The following ASH1L variants were observed in gnomAD, a reference collection of about 807,000 sequenced individuals.
The protein encoded by ASH1L is histone-lysine N-methyltransferase ASH1L.
A neutral mutation model predicts 269.0 loss-of-function variants in ASH1L; 23 were observed. The ratio of observed to expected loss-of-function variants is 0.09; its 90% CI spans 0.06 to 0.12. ASH1L has a LOEUF of 0.12. Ranked by LOEUF, ASH1L falls within the 10% of genes least tolerant of loss-of-function variation. The pLI is 1.00. For synonymous variants in ASH1L, 1,187 were observed against 1,253.5 expected (o/e 0.95, Z 1.12); for missense variants, 2,912 against 3,567.8 (o/e 0.82, Z 4.68).
At chr1:155,436,688 G>C (rs756887028) in intron 5 of ASH1L, among the ~76,000 whole-genome samples, 1 of 150,992 alleles carries the variant, frequency 6.6e-6, no homozygotes, top group Non-Finnish European at 1.5e-5. Flanking sequence ...GTAGAGACGG[G>C]GTTTCACTAT....
intron 3 of ASH1L, among the ~76,000 whole-genome samples, chr1:155,464,728 C>A (rs930516659): frequency 5.9e-5 from 9 of 151,970 alleles, no homozygotes; most frequent in Non-Finnish European, 1.2e-4. Context: ...TGTGAAGGAA[C>A]CTTGGAAGTG....
intron 17 of ASH1L, among the ~76,000 whole-genome samples, chr1:155,350,622 T>C (rs974879851): frequency 1.3e-5 from 2 of 152,096 alleles, no homozygotes; most frequent in African/African-American, 2.4e-5. Context: ...CCTTAATTAA[T>C]AGTAATTTGT....
intron 3 of ASH1L, among the ~76,000 whole-genome samples, chr1:155,463,977 T>C (rs1664494877): frequency 1.3e-5 from 2 of 152,154 alleles, no homozygotes; most frequent in Admixed American, 1.3e-4. Context: ...TTACTCTGAG[T>C]GAATCTTCTA....
intron 1 of ASH1L, among the ~76,000 whole-genome samples, chr1:155,559,871 G>A (rs1036707484): frequency 1.3e-5 from 2 of 151,936 alleles, no homozygotes; most frequent in African/African-American, 4.8e-5. Context: ...ATCACCTCAG[G>A]CCCAATCCAA....
chr1:155,426,634 A>G (rs1442206857), intron 5 of ASH1L, among the ~76,000 whole-genome samples: 4 of 152,208 alleles, frequency 2.6e-5, no homozygotes, highest in Non-Finnish European at 4.4e-5. Context: ...AGATTTGTGT[A>G]TATCTTATGT....
In ASH1L at chr1:155,338,047, G is replaced by A. The variant is rs376256583; in HGVS notation, c.8803+42C>T. On this transcript the variant is annotated intron_variant, in intron 27 of 27. Coordinates refer to ENST00000392403, the MANE Select transcript of ASH1L (RefSeq NM_018489.3). Reference sequence around the variant, plus strand: ...ATTTTTTTCCATTCCCTCTCATTTCGCATTTATCTTAAACCCTAGATATGA... The same window carrying A: ...ATTTTTTTCCATTCCCTCTCATTTCACATTTATCTTAAACCCTAGATATGA... 3.6e-4 allele frequency: 558 copies of A among 1,566,596 alleles called. No homozygotes were observed. Among genetic ancestry groups the A allele is most frequent in the Non-Finnish European group, 4.5e-4 (521 of 1,152,798 alleles).
chr1:155,396,664 TATAAC>T (rs994856752), intron 6 of ASH1L, among the ~76,000 whole-genome samples: 2 of 151,818 alleles, frequency 1.3e-5, no homozygotes, highest in African/African-American at 4.8e-5. Context: ...TTAACGAAAT[TATAAC>T]ATACTGACTT....
intron 12 of ASH1L, among the ~76,000 whole-genome samples, chr1:155,364,267 A>T (rs1339767911): frequency 6.6e-6 from 1 of 152,154 alleles, no homozygotes; most frequent in Non-Finnish European, 1.5e-5. Context: ...TGTCTCCAAA[A>T]GAAGGGGAGA....
In ASH1L at chr1:155,370,768, C is replaced by G. The variant is rs1655876507; in HGVS notation, c.6539+9G>C. The G allele has an allele frequency of 6.2e-7, 1 of 1,614,018 alleles. No individual in the cohort carries two copies. Among genetic ancestry groups the G allele is most frequent in the Admixed American group, 1.7e-5 (1 of 59,996 alleles). On this transcript the variant is annotated intron_variant, in intron 11 of 27. Transcript: ENST00000392403. ...CATTTTATTAGAGTATCATCATTTA[C>G]CACCGTACCTGAACTCCTGTTCACT...
At chr1:155,401,350 C>A (rs886209564) in intron 6 of ASH1L, among the ~76,000 whole-genome samples, 1 of 151,698 alleles carries the variant, frequency 6.6e-6, no homozygotes, top group African/African-American at 2.4e-5. Flanking sequence ...TGGTCGTGGG[C>A]ACCTGTAATC....
At chr1:155,386,986 T>C (rs1425516066) in intron 7 of ASH1L, among the ~76,000 whole-genome samples, 1 of 151,724 alleles carries the variant, frequency 6.6e-6, no homozygotes, top group African/African-American at 2.4e-5. Flanking sequence ...ATTAAGTCTT[T>C]TTTTTTTTTT....
rs560384994 is a variant in ASH1L at position 155,383,221 on chromosome 1, TAACTA to T, written c.6104-3110_6104-3106del. Among the ~76,000 whole-genome samples the T allele has an allele frequency of 1.7e-3, 258 of 152,326 alleles. 1 individual carries two copies. Among genetic ancestry groups the T allele is most frequent in the Non-Finnish European group, 2.9e-3 (196 of 68,024 alleles). ...AAGCTACAGAAAGCTAAGATTAACT[TAACTA>T]TTGAGGAACAAAAAATAAAAATTTA... On this transcript the variant is annotated intron_variant, in intron 7 of 27. Coordinates refer to ENST00000392403, the MANE Select transcript of ASH1L (RefSeq NM_018489.3).
rs533379948 is a variant in ASH1L at position 155,444,749 on chromosome 1, T to G, written c.5087-5681A>C. Among the ~76,000 whole-genome samples, 11 of 151,488 alleles carry G rather than the reference T, an allele frequency of 7.3e-5. No individual in the cohort carries two copies. The South Asian group carries it at 1.5e-3, about 20-fold the overall frequency. On this transcript the variant is annotated intron_variant, in intron 4 of 27. Coordinates refer to ENST00000392403, the MANE Select transcript of ASH1L (RefSeq NM_018489.3). ...CCTGTGCCTCAGCCTCCTGAGGAGC[T>G]GAGATTACAGGTGCCTGCCACTACG...
At chr1:155,409,033 CTTT>C (rs1012852865) in intron 6 of ASH1L, among the ~76,000 whole-genome samples, 23 of 151,196 alleles carry the variant, frequency 1.5e-4, no homozygotes, top group Non-Finnish European at 8.9e-5. Flanking sequence ...TCTTTTCTTT[CTTT>C]TTTTTTGAGA....
At chr1:155,342,217 T>A in intron 24 of ASH1L, 115 bp from the exon 25 acceptor site, 1 of 918,424 alleles carries the variant, frequency 1.1e-6, no homozygotes, top group Admixed American at 2.1e-5. Flanking sequence ...CCCTACATGG[T>A]AGCTATGTAG....
chr1:155,451,027 A>G (rs1357684564), intron 4 of ASH1L, among the ~76,000 whole-genome samples: 1 of 151,658 alleles, frequency 6.6e-6, no homozygotes, highest in Non-Finnish European at 1.5e-5. Flanking sequence ...AAGAAACCCT[A>G]TCTCTACTAA....
chr1:155,507,616 A>G (rs1667897383), intron 2 of ASH1L, among the ~76,000 whole-genome samples: 1 of 152,216 alleles, frequency 6.6e-6, no homozygotes, highest in East Asian at 1.9e-4. Context: ...TCACGCCTGT[A>G]ATCCCAGTAT....
upstream of ASH1L, chr1:155,563,152 G>T: frequency 2.2e-6 from 1 of 457,202 alleles, no homozygotes; most frequent in South Asian, 1.5e-5. Flanking sequence ...CGAGCGGATC[G>T]AGGACTGCCT....
chr1:155,459,626 C>T (rs1250484370), intron 4 of ASH1L, among the ~76,000 whole-genome samples, 171 bp downstream of exon 4: 1 of 152,238 alleles, frequency 6.6e-6, no homozygotes, highest in East Asian at 1.9e-4. Context: ...TTTCAATGTA[C>T]ATTACTGATT....
Sources: gnomAD v4.1 joint callset for allele counts (sites outside exome capture counted in the v4.1 genomes callset) on GRCh38, gnomAD v4.1.1 for gene constraint, MANE v1.5 for transcripts, NCBI Gene and HGNC (gene_info 2026-07-23, HGNC 2026-07-21) for gene names.